Variants in HERC1 observed in about 807,000 individuals in gnomAD.
HERC1 encodes the protein HECT and RLD domain containing E3 ubiquitin protein ligase family member 1, also known as probable E3 ubiquitin-protein ligase HERC1.
In HERC1, 160 loss-of-function variants were observed where a neutral mutation model predicts 554.3. The observed-to-expected ratio is 0.29, with a 90% CI of 0.25 to 0.33. HERC1 has a LOEUF of 0.33. Among genes scored for constraint, HERC1 ranks in the 10% least tolerant of loss-of-function variants. HERC1 has a pLI of 1.00. For synonymous variants in HERC1, 2,175 were observed against 2,131.7 expected (o/e 1.02, Z -0.56); for missense variants, 4,919 against 5,918.5 (o/e 0.83, Z 5.54).
chr15:63,658,450 A>G lies in HERC1; in HGVS notation c.9599+94T>C, dbSNP rs1213365680. 4.5e-6 allele frequency: 5 copies of G among 1,109,340 alleles called. No individual in the cohort carries two copies. The East Asian group carries it at 1.3e-4, about 28-fold the overall frequency. 68.7% of individuals were successfully genotyped at this position (1,109,340 alleles called of 1,614,324 possible). On this transcript the variant is annotated intron_variant, in intron 48 of 77. Coordinates refer to ENST00000443617, the MANE Select transcript of HERC1 (RefSeq NM_003922.4). ...TTCAACAGTACATATTCAAGCTTCTAAAATTCTATCTCACCCTCCCAAACA... is the reference window on the plus strand; with the variant it reads ...TTCAACAGTACATATTCAAGCTTCTGAAATTCTATCTCACCCTCCCAAACA...
chr15:63,691,258 G>A (rs1340579136), intron 31 of HERC1, among the ~76,000 whole-genome samples: 2 of 151,940 alleles, frequency 1.3e-5, no homozygotes, highest in Non-Finnish European at 2.9e-5. Context: ...TTAAGGCCAG[G>A]AGTTCAAGAC....
Position 63,654,140 on chromosome 15 carries a change from T to G in HERC1, c.10269A>C (p.Lys3423Asn). The G allele has an allele frequency of 6.2e-7, 1 of 1,613,710 alleles. No individual in the cohort carries two copies. The highest frequency in any genetic ancestry group is 8.5e-7 in the Non-Finnish European group (1 of 1,179,604). ...GGDLRKCSFI[K>N]LEAHQNRVMT... ...TTACTCTGTTCTGATGAGCCTCCAATTTGATAAAGGAGCATTTTCTAAGAT... is the reference window on the plus strand; with the variant it reads ...TTACTCTGTTCTGATGAGCCTCCAAGTTGATAAAGGAGCATTTTCTAAGAT... The change falls in exon 51 of 78, where the codon AAA (lysine) becomes AAC (asparagine). Residue 3423 changes from lysine (K) to asparagine (N), a missense_variant. By Grantham distance (94) the Lys-to-Asn change is moderately conservative. Transcript: ENST00000443617.
At chr15:63,831,308 T>G (rs767959234) in intron 1 of HERC1, among the ~76,000 whole-genome samples, 1 of 152,188 alleles carries the variant, frequency 6.6e-6, no homozygotes, top group African/African-American at 2.4e-5. Flanking sequence ...GGTTTCACCA[T>G]GTTGCCCAGA....
chr15:63,775,639 A>T lies in HERC1; in HGVS notation c.-16T>A, dbSNP rs1296467285. 1 of 1,568,998 alleles carries T rather than the reference A, an allele frequency of 6.4e-7. No individual in the cohort carries two copies. The highest frequency in any genetic ancestry group is 1.4e-5 in the African/African-American group (1 of 73,670). On this transcript the variant is annotated 5_prime_UTR_variant, in exon 2 of 78. Transcript: ENST00000443617. This position sits in a 1 kb window ranked among gnomAD's most constrained non-coding sequence, Gnocchi z 4.0. ...TAGTTGCCATGTTGATTTATCCTTC[A>T]GCCATTAGTCCTGCAAAGGGAGAAG...
rs748827138 is a variant in HERC1 at position 63,729,668 on chromosome 15, G to T, written c.2869-19C>A. 1.2e-6 allele frequency: 2 copies of T among 1,612,026 alleles called. No homozygotes were observed. Among genetic ancestry groups the T allele is most frequent in the East Asian group, 4.5e-5 (2 of 44,822 alleles). On this transcript the variant is annotated intron_variant, in intron 14 of 77. Transcript: ENST00000443617. ...CTTGATCCTAAAATGACACACAAAG[G>T]AAGTTTATATTTGAAGTGCTTGAAA... is the stretch of plus-strand genomic sequence containing the variant.
At chr15:63,664,654 T>C (rs2070525168) in intron 42 of HERC1, 60 bp from the exon 43 acceptor site, 6 of 1,508,968 alleles carry the variant, frequency 4.0e-6, no homozygotes, top group African/African-American at 2.7e-5. Context: ...AAAGAAAGCA[T>C]AGGTGTAAGC....
intron 25 of HERC1, among the ~76,000 whole-genome samples, chr15:63,703,767 T>G (rs1232483703): frequency 6.6e-6 from 1 of 151,878 alleles, no homozygotes; most frequent in Admixed American, 6.6e-5. Context: ...TAGCCAGGCA[T>G]AGTGGCATGT....
At position 63,749,769 on chromosome 15, in the gene HERC1, G is replaced by C; in HGVS notation, c.1925C>G (p.Ala642Gly). The C allele has an allele frequency of 6.3e-7, 1 of 1,576,928 alleles. No individual in the cohort carries two copies. Among genetic ancestry groups the C allele is most frequent in the Non-Finnish European group, 8.6e-7 (1 of 1,160,694 alleles). The change falls in exon 9 of 78, where the codon GCT becomes GGT. Residue 642 changes from alanine to glycine, a missense_variant. Around this residue, in one of 11 missense-constraint regions of HERC1, gnomAD observed 744 missense variants for 1,090.0 expected, o/e 0.68. Coordinates refer to ENST00000443617, the MANE Select transcript of HERC1 (RefSeq NM_003922.4). The surrounding 1 kb of genome is among the most constrained non-coding windows in gnomAD (Gnocchi z 4.1). Reference sequence around the variant, plus strand: ...TTCTGAAGAACCACAACCTAGACAAGCTCCACAGCCCCAAGCATAGACCTG... The same window carrying C: ...TTCTGAAGAACCACAACCTAGACAACCTCCACAGCCCCAAGCATAGACCTG... ...TGQVYAWGCGACLGCGSSEAT... is the reference protein window; with the variant it reads ...TGQVYAWGCGGCLGCGSSEAT...
chr15:63,825,246 C>T (rs1029332531), intron 1 of HERC1, among the ~76,000 whole-genome samples: 6 of 152,134 alleles, frequency 3.9e-5, no homozygotes, highest in African/African-American at 7.2e-5. Context: ...TTACAGTGAA[C>T]GCAGATCATG....
chr15:63,686,303 T>TG (rs2071760543), intron 34 of HERC1, 56 bp downstream of exon 34: 2 of 1,303,494 alleles, frequency 1.5e-6, no homozygotes, highest in Non-Finnish European at 2.1e-6. Flanking sequence ...TATAAGAACC[T>TG]GGAAAAAAAA....
chr15:63,802,204 T>A (rs574375440), intron 1 of HERC1, among the ~76,000 whole-genome samples: 14 of 152,318 alleles, frequency 9.2e-5, no homozygotes, highest in African/African-American at 2.9e-4. Context: ...GCTGAATGAT[T>A]GATGTTGGTA....
chr15:63,786,168 G>C (rs1268603957), intron 1 of HERC1, among the ~76,000 whole-genome samples: 1 of 151,908 alleles, frequency 6.6e-6, no homozygotes, highest in Non-Finnish European at 1.5e-5. Context: ...AGGTTAAAGT[G>C]GGAGGACTGC....
intron 1 of HERC1, among the ~76,000 whole-genome samples, chr15:63,819,507 G>A (rs1006552687): frequency 3.3e-5 from 5 of 152,280 alleles, no homozygotes; most frequent in African/African-American, 1.2e-4. Context: ...GAAAAGCTTC[G>A]TATTTCAAGG....
rs184852605 is a variant in HERC1, at chr15:63,786,934, T to C, written c.-26-11285A>G. 4.6e-4 allele frequency among the ~76,000 whole-genome samples: 69 copies of C among 149,472 alleles called. 1 individual carries two copies. In the East Asian group the frequency reaches 0.012, roughly 27 times the overall value. On this transcript the variant is annotated intron_variant, in intron 1 of 77. Transcript: ENST00000443617. ...AATAAATTATTATTTTTTTTTTTTT[T>C]ATTTTTTGAGACGGAGTTTCACTCT...
chr15:63,628,554 G>T, intron 70 of HERC1, 123 bp downstream of exon 70: 1 of 1,015,098 alleles, frequency 9.9e-7, no homozygotes, highest in Non-Finnish European at 1.4e-6. Flanking sequence ...AATGCTTTGT[G>T]TGGCAGAAGG....
At chr15:63,797,211 G>A (rs1309814703) in intron 1 of HERC1, among the ~76,000 whole-genome samples, 1 of 152,136 alleles carries the variant, frequency 6.6e-6, no homozygotes, top group African/African-American at 2.4e-5. Context: ...ATTATGAGAG[G>A]GGCCTGAATT....
chr15:63,787,425 G>A (rs1366874150), intron 1 of HERC1, among the ~76,000 whole-genome samples: 3 of 152,068 alleles, frequency 2.0e-5, no homozygotes, highest in Non-Finnish European at 4.4e-5. Flanking sequence ...CCAAAGTGCT[G>A]GAATTTCAGG....
At position 63,725,517 on chromosome 15, in the gene HERC1, A is replaced by C. The variant is rs368411323; in HGVS notation, c.3347-4T>G. 19 of 1,611,658 alleles carry C rather than the reference A, an allele frequency of 1.2e-5. No individual in the cohort carries two copies. The African/African-American group carries it at 2.5e-4, about 22-fold the overall frequency. ...GGATCAATTAGTTCTGGCCCTCCTA[A>C]AGACAAAATCATTAGTTATTGTGTC... On this transcript the variant is annotated splice_polypyrimidine_tract_variant and splice_region_variant and intron_variant, in intron 17 of 77. Coordinates refer to ENST00000443617, the MANE Select transcript of HERC1 (RefSeq NM_003922.4).
rs16947416 is a variant in HERC1, at chr15:63,756,980, T to C, written c.1222-232A>G. On this transcript the variant is annotated intron_variant, in intron 4 of 77. Coordinates refer to ENST00000443617, the MANE Select transcript of HERC1 (RefSeq NM_003922.4). The surrounding 1 kb of genome is among the most constrained non-coding windows in gnomAD (Gnocchi z 5.0). ...ATGTATATGTTATCTTTCCAGGTTA[T>C]TGTCCAGGTTATGATTGAATGAAAC... is the stretch of plus-strand genomic sequence containing the variant. Among the ~76,000 whole-genome samples, 1,884 of 152,298 alleles carry C rather than the reference T, an allele frequency of 0.012. 39 individuals carry two copies. Among genetic ancestry groups the C allele is most frequent in the African/African-American group, 0.044 (1,810 of 41,552 alleles).
Sources: allele counts gnomAD v4.1 joint callset (sites outside exome capture counted in the v4.1 genomes callset), GRCh38; gene constraint gnomAD v4.1.1; regional missense constraint gnomAD v4.1.1; non-coding constraint Gnocchi (gnomAD v3.1); transcripts MANE v1.5; gene names NCBI Gene and HGNC (gene_info 2026-07-23, HGNC 2026-07-21).